The following SEMA3D variants were observed in gnomAD, a reference collection of about 807,000 sequenced individuals.
SEMA3D encodes semaphorin-3D.
SEMA3D carries 84 observed loss-of-function variants against 100.1 expected under a neutral mutation model. The ratio of observed to expected loss-of-function variants is 0.84; its 90% CI spans 0.70 to 1.01. The LOEUF (loss-of-function observed/expected upper bound fraction) is 1.01, where lower values mean the gene tolerates loss of function less well. SEMA3D is among the 50% of genes least tolerant of loss of function. The pLI, the probability that SEMA3D is intolerant of heterozygous loss-of-function variation, is 0.00. For missense variants in SEMA3D, 875 were observed against 934.1 expected, an observed-to-expected ratio of 0.94 and a Z score of 0.82; for synonymous variants, 312 against 320.7, an observed-to-expected ratio of 0.97 and a Z score of 0.29.
At chr7:85,138,996 G>C (rs903227332) in intron 2 of SEMA3D, among the ~76,000 whole-genome samples, 1 of 152,036 alleles carries the variant, frequency 6.6e-6, no homozygotes, top group Non-Finnish European at 1.5e-5. Context: ...AAAAGGTGAA[G>C]GCAGTAGTCA....
intron 8 of SEMA3D, among the ~76,000 whole-genome samples, chr7:85,059,589 G>T (rs977732159): frequency 6.6e-6 from 1 of 152,114 alleles, no homozygotes; most frequent in Non-Finnish European, 1.5e-5. Flanking sequence ...TAACATAGTG[G>T]TACAAAGTGT....
chr7:85,163,171 T>C (rs1488995411), intron 1 of SEMA3D: 1 of 158,678 alleles, frequency 6.3e-6, no homozygotes, highest in Non-Finnish European at 1.4e-5. Context: ...TGTGCAGCAG[T>C]GAAGAACTTA....
chr7:85,142,427 G>T (rs1036632090), intron 2 of SEMA3D: 7 of 921,020 alleles, frequency 7.6e-6, no homozygotes, highest in Non-Finnish European at 7.8e-6. Flanking sequence ...TCTTTCTAAA[G>T]ATGTCATAAT....
intron 2 of SEMA3D, chr7:85,151,626 TGTGTG>T (rs1210324349): frequency 1.1e-6 from 1 of 922,648 alleles, no homozygotes; most frequent in Non-Finnish European, 1.3e-6. Context: ...TGTGTGTGTG[TGTGTG>T]ATCAAGGTAT....
chr7:85,222,512 T>C, the SEMA3D span, among the ~76,000 whole-genome samples: 2 of 152,122 alleles, frequency 1.3e-5, no homozygotes, highest in Non-Finnish European at 2.9e-5. Context: ...TGGATTCAGG[T>C]AGTTTATTTT....
At chr7:85,136,634 A>C (rs1489971451) in intron 2 of SEMA3D, among the ~76,000 whole-genome samples, 2 of 152,130 alleles carry the variant, frequency 1.3e-5, no homozygotes, top group East Asian at 1.9e-4. Context: ...AAGGAAAGTA[A>C]AATCATTATG....
the SEMA3D span, among the ~76,000 whole-genome samples, chr7:85,202,026 C>G: frequency 6.6e-6 from 1 of 151,648 alleles, no homozygotes; most frequent in African/African-American, 2.4e-5. Context: ...GTCTCTGTCT[C>G]TCTCTCTCTT....
At chr7:85,066,585 A>G (rs1479329278) in intron 7 of SEMA3D, among the ~76,000 whole-genome samples, 4 of 152,064 alleles carry the variant, frequency 2.6e-5, no homozygotes, top group Non-Finnish European at 4.4e-5. Flanking sequence ...CTAAACCTCT[A>G]CTATTTCAAG....
rs1333238394 is a variant in SEMA3D at position 85,110,449 on chromosome 7, T to A, written c.151+11292A>T. On this transcript the variant is annotated intron_variant, in intron 3 of 18. Coordinates refer to ENST00000284136, the MANE Select transcript of SEMA3D (RefSeq NM_001384900.1). ...TTTCTGTTTCCAAATCTTTACATAT[T>A]AATCTCCTAAACATATATAGTGCCT... Among the ~76,000 whole-genome samples the A allele has an allele frequency of 3.3e-5, 5 of 152,074 alleles. No individual in the cohort carries two copies. The East Asian group carries it at 9.7e-4, about 29-fold the overall frequency.
rs2115671380 is a variant in SEMA3D, at chr7:84,996,345, A to G, written c.*3095T>C. ...ACCAAAAGCAAAATTCAAGAGTAAG[A>G]CCATTTTGTAGCCAGCATATTGTAA... On this transcript the variant is annotated 3_prime_UTR_variant, in exon 19 of 19. Transcript: ENST00000284136. The G allele has an allele frequency of 6.6e-6, 1 of 152,116 alleles. No individual in the cohort carries two copies. Among genetic ancestry groups the G allele is most frequent in the East Asian group, 1.9e-4 (1 of 5,182 alleles). The allele number at this position is 152,116 out of a possible 1,614,324, so 9.4% of individuals were successfully genotyped here. A position where few individuals can be genotyped will look rare whatever the true frequency, so the allele number is the denominator to read the frequency against.
chr7:85,221,294 T>C, the SEMA3D span, among the ~76,000 whole-genome samples: 3 of 152,050 alleles, frequency 2.0e-5, no homozygotes, highest in Admixed American at 2.0e-4. Flanking sequence ...GTAGGGGAAA[T>C]AGAGATTTAG....
Position 85,006,836 on chromosome 7 carries a change from T to C in SEMA3D, c.1874A>G (p.Tyr625Cys). The change falls in exon 18 of 19, where the codon TAT (tyrosine) becomes TGT (cysteine). Residue 625 changes from tyrosine (Y) to cysteine (C), a missense_variant. Physicochemically the swap from Tyr to Cys is radical, Grantham distance 194. Coordinates refer to ENST00000284136, the MANE Select transcript of SEMA3D (RefSeq NM_001384900.1). ...PKSQQATIKWYIQRSGDEHRE... is the reference protein window; with the variant it reads ...PKSQQATIKWCIQRSGDEHRE... ...ATGCTCATCCCCTGACCTCTGGATA[T>C]ACCATTTAATAGTTGCTTGTTGGGA... 6.2e-7 allele frequency: 1 copy of C among 1,610,676 alleles called. No homozygotes were observed.
At chr7:85,081,838 C>T (rs1043306783) in intron 4 of SEMA3D, among the ~76,000 whole-genome samples, 1 of 152,124 alleles carries the variant, frequency 6.6e-6, no homozygotes, top group Non-Finnish European at 1.5e-5. Context: ...ACATTATGTT[C>T]AGAGGTCCAT....
At chr7:85,077,649 T>C (rs896351784) in intron 5 of SEMA3D, among the ~76,000 whole-genome samples, 5 of 152,176 alleles carry the variant, frequency 3.3e-5, no homozygotes, top group African/African-American at 1.2e-4. Context: ...AGAATAAATA[T>C]ACATATTTTA....
intron 2 of SEMA3D, chr7:85,141,429 TA>T (rs1163306167): frequency 1.0e-6 from 1 of 984,792 alleles, no homozygotes; most frequent in Non-Finnish European, 1.2e-6. Flanking sequence ...GATTCTGTGC[TA>T]ATATTTAAAA....
chr7:85,116,173 G>C (rs1283100303), intron 3 of SEMA3D, among the ~76,000 whole-genome samples: 1 of 149,876 alleles, frequency 6.7e-6, no homozygotes, highest in East Asian at 2.0e-4. Context: ...GTTTCAGAGA[G>C]AGAGATATAT....
the SEMA3D span, among the ~76,000 whole-genome samples, chr7:85,239,775 C>T: frequency 1.1e-4 from 17 of 152,156 alleles, no homozygotes; most frequent in Admixed American, 1.1e-3. Context: ...CTTCTTTTAA[C>T]TCACATTGTG....
chr7:85,222,540 T>C, the SEMA3D span, among the ~76,000 whole-genome samples: 2 of 152,126 alleles, frequency 1.3e-5, no homozygotes, highest in Non-Finnish European at 2.9e-5. Context: ...GTGGAGTATA[T>C]TCACTGTTCT....
At chr7:85,220,874 G>A in the SEMA3D span, among the ~76,000 whole-genome samples, 1 of 152,098 alleles carries the variant, frequency 6.6e-6, no homozygotes. Context: ...GGCCTGGCCT[G>A]GGCCCAACTA....
Sources: allele counts gnomAD v4.1 joint callset (sites outside exome capture counted in the v4.1 genomes callset), GRCh38; gene constraint gnomAD v4.1.1; transcripts MANE v1.5; gene names NCBI Gene and HGNC (gene_info 2026-07-23, HGNC 2026-07-21).